The following SP110 variants were observed in gnomAD, a reference collection of about 807,000 sequenced individuals.
SP110 encodes interferon-induced protein 41, 30kD.
SP110 carries 62 observed loss-of-function variants against 92.7 expected under a neutral mutation model. That is an observed-to-expected ratio of 0.67 (90% CI 0.55 to 0.83). The LOEUF is 0.83. Among genes scored for constraint, SP110 ranks in the 40% least tolerant of loss-of-function variants. SP110 has a pLI of 0.00. For synonymous variants in SP110, 273 were observed against 305.3 expected (o/e 0.89, Z 1.10); for missense variants, 793 against 863.9 (o/e 0.92, Z 1.03).
chr2:230,207,464 T>G (rs556973806), intron 8 of SP110, among the ~76,000 whole-genome samples: 1 of 152,180 alleles, frequency 6.6e-6, no homozygotes, highest in Non-Finnish European at 1.5e-5. Context: ...TTTACAGTTC[T>G]TGACAAAACA....
Position 230,212,541 on chromosome 2 carries a change from G to T in SP110, c.584-111C>A. The T allele has an allele frequency of 3.7e-6, 4 of 1,078,292 alleles. No individual in the cohort carries two copies. In the South Asian group the frequency reaches 3.8e-5, roughly 10 times the overall value. The allele number at this position is 1,078,292 out of a possible 1,614,324, so 66.8% of individuals were successfully genotyped here. On this transcript the variant is annotated intron_variant, in intron 4 of 18. Transcript: ENST00000258381. ...GAGCATCAAGGCACAAGGGCAGAGG[G>T]TTGGAATGTCCCGGGAGTGGGAAGC...
At chr2:230,218,978 A>C (rs1273639550) in intron 1 of SP110, among the ~76,000 whole-genome samples, 3 of 152,354 alleles carry the variant, frequency 2.0e-5, no homozygotes, top group Admixed American at 1.3e-4. Flanking sequence ...TAATCCCAGC[A>C]CTTTGGGAGG....
At position 230,211,668 on chromosome 2, in the gene SP110, A is replaced by G; in HGVS notation, c.668-115T>C. The stretch of plus-strand genomic sequence containing the variant: ...AAAAATGACGGGGTAACAGCAACCA[A>G]GGCCTGGGAAAGGATGGCATAGAGT... On this transcript the variant is annotated intron_variant, in intron 5 of 18. Transcript: ENST00000258381. The surrounding 1 kb of genome is among the most constrained non-coding windows in gnomAD (Gnocchi z 4.2). 1.4e-6 allele frequency: 1 copy of G among 735,386 alleles called. No homozygotes were observed. The highest frequency in any genetic ancestry group is 2.5e-6 in the Non-Finnish European group (1 of 405,842). The allele number at this position is 735,386 out of a possible 1,614,324, so 45.6% of individuals were successfully genotyped here.
upstream of SP110, among the ~76,000 whole-genome samples, chr2:230,224,515 C>CAGAG (rs879416639): frequency 3.6e-5 from 5 of 139,976 alleles, no homozygotes; most frequent in East Asian, 2.1e-4. Context: ...AGAGAGAGGA[C>CAGAG]AGAGAGAGAG....
At position 230,177,654 on chromosome 2, in the gene SP110, C is replaced by T; in HGVS notation, c.1474G>A (p.Glu492Lys). ...TTTGGTGTTAACCAAGTTCCATCCT[C>T]ATTCCGAATGCACTTCACTGAGGAT... Reference protein sequence around the residue: ...HGSSVKCIRNEDGTWLTPNEF... With the variant: ...HGSSVKCIRNKDGTWLTPNEF... Residue 492 changes from glutamate to lysine, a missense_variant, in exon 14 of 19, where the codon GAG becomes AAG. Coordinates refer to ENST00000258381, the MANE Select transcript of SP110 (RefSeq NM_080424.4). 1 of 1,614,210 alleles carries T rather than the reference C, an allele frequency of 6.2e-7. No homozygotes were observed. The highest frequency in any genetic ancestry group is 1.1e-5 in the South Asian group (1 of 91,090).
chr2:230,217,694 A>G (rs1242565255), intron 1 of SP110, among the ~76,000 whole-genome samples: 1 of 152,214 alleles, frequency 6.6e-6, no homozygotes, highest in African/African-American at 2.4e-5. Flanking sequence ...TAGAGAGTGG[A>G]AGAGCTGGGA....
At position 230,167,146 on chromosome 2, in the gene SP110, A is replaced by G. The variant is rs940280344; in HGVS notation, c.*1978T>C. 7.4e-6 allele frequency: 1 copy of G among 135,954 alleles called. No homozygotes were observed. Among genetic ancestry groups the G allele is most frequent in the African/African-American group, 2.8e-5 (1 of 35,474 alleles). 8.4% of individuals were successfully genotyped at this position (135,954 alleles called of 1,614,324 possible). Reference sequence around the variant, plus strand: ...TTTTGAGGCAGGGTCTCTGTTGTCCAGGCTGGAGTGCAGTGGTGCATTCTT... The same window carrying G: ...TTTTGAGGCAGGGTCTCTGTTGTCCGGGCTGGAGTGCAGTGGTGCATTCTT... On this transcript the variant is annotated 3_prime_UTR_variant, in exon 19 of 19. Coordinates refer to ENST00000258381, the MANE Select transcript of SP110 (RefSeq NM_080424.4).
At chr2:230,178,835 A>G (rs960097438) in intron 12 of SP110, among the ~76,000 whole-genome samples, 2 of 152,242 alleles carry the variant, frequency 1.3e-5, no homozygotes, top group African/African-American at 4.8e-5. Context: ...CTGGCAACTC[A>G]GAACCCCTGG....
At chr2:230,184,639 A>T (rs1428866772) in intron 11 of SP110, among the ~76,000 whole-genome samples, 1 of 152,198 alleles carries the variant, frequency 6.6e-6, no homozygotes, top group Non-Finnish European at 1.5e-5. Flanking sequence ...AAGTTCAAAG[A>T]CAGAAACCAA....
At chr2:230,222,229 C>CAAAAA (rs1204772131), upstream of SP110, among the ~76,000 whole-genome samples, 1 of 77,292 alleles carries the variant, frequency 1.3e-5, no homozygotes. Flanking sequence ...GATCCCGCCT[C>CAAAAA]AAAAAAAAAA....
At chr2:230,205,747 G>C (rs1032270897) in intron 8 of SP110, among the ~76,000 whole-genome samples, 1 of 152,242 alleles carries the variant, frequency 6.6e-6, no homozygotes, top group South Asian at 2.1e-4. Context: ...TGAGACTGTA[G>C]TGTCAATGGG....
At chr2:230,206,595 T>TTATATA (rs56817002) in intron 8 of SP110, among the ~76,000 whole-genome samples, 781 of 70,280 alleles carry the variant, frequency 0.011, 42 homozygotes, top group African/African-American at 0.012. Context: ...GGTCCAGATT[T>TTATATA]TATATATATA....
intron 8 of SP110, 99 bp from the exon 9 acceptor site, chr2:230,202,827 C>T: frequency 8.9e-7 from 1 of 1,118,418 alleles, no homozygotes; most frequent in Non-Finnish European, 1.4e-6. Flanking sequence ...CCCTAACTCC[C>T]ACTCTTTCAG....
At chr2:230,178,603 T>G (rs1202723103) in intron 12 of SP110, among the ~76,000 whole-genome samples, 1 of 152,236 alleles carries the variant, frequency 6.6e-6, no homozygotes, top group Non-Finnish European at 1.5e-5. Context: ...AATGTTTCTT[T>G]GCATTCATGT....
rs376449092 is a variant in SP110, at chr2:230,176,348, TA to T, written c.1590+1189del. ...GTGCACACCACCATTCCTAGTTGAT[TA>T]AAAAAAAATTTGTTAGAGATGGGGT... On this transcript the variant is annotated intron_variant, in intron 14 of 18. Transcript: ENST00000258381. 2,144 of 689,496 alleles carry T rather than the reference TA, an allele frequency of 3.1e-3. 15 individuals are homozygous for T. Among genetic ancestry groups the T allele is most frequent in the African/African-American group, 0.026 (1,377 of 53,920 alleles). The allele number at this position is 689,496 out of a possible 1,614,324, so 42.7% of individuals were successfully genotyped here.
In SP110 at chr2:230,212,371, TG is replaced by T. The variant is rs397515361; in HGVS notation, c.642del (p.Ser215AlafsTer14). 6.2e-7 allele frequency: 1 copy of T among 1,613,380 alleles called. No homozygotes were observed. The highest frequency in any genetic ancestry group is 1.6e-4 in the Middle Eastern group (1 of 6,062). On this transcript the variant is annotated frameshift_variant, in exon 5 of 19. Transcript: ENST00000258381. LOFTEE classifies it high-confidence loss of function. ...MNAEEDSEEM[P>X]SLLTSTVQVA... ...CCTTGCACAGTGCTAGTGAGGAGGC[TG>T]GGCATCTCTTCTGAGTCTTCTTCCG... is the stretch of plus-strand genomic sequence containing the variant.
At chr2:230,221,843 G>A (rs2148983138), upstream of SP110, 1 of 965,206 alleles carries the variant, frequency 1.0e-6, no homozygotes, top group South Asian at 1.5e-5. Flanking sequence ...AGCAGGAGTG[G>A]GAAAATAAAG....
intron 8 of SP110, among the ~76,000 whole-genome samples, chr2:230,207,009 G>T (rs1373116518): frequency 6.6e-6 from 1 of 152,056 alleles, no homozygotes; most frequent in Admixed American, 6.5e-5. Flanking sequence ...CCCAGAACTT[G>T]GAGACATCTT....
chr2:230,191,376 A>C (rs1330520283), intron 10 of SP110, among the ~76,000 whole-genome samples: 1 of 152,152 alleles, frequency 6.6e-6, no homozygotes, highest in Non-Finnish European at 1.5e-5. Context: ...AAATTAACAA[A>C]ATAGATCACT....
Sources: allele counts gnomAD v4.1 joint callset (sites outside exome capture counted in the v4.1 genomes callset), GRCh38; gene constraint gnomAD v4.1.1; non-coding constraint Gnocchi (gnomAD v3.1); transcripts MANE v1.5; gene names NCBI Gene and HGNC (gene_info 2026-07-23, HGNC 2026-07-21).